Variants in BEAN1 observed in about 807,000 individuals in gnomAD.
BEAN1 encodes the protein brain expressed associated with NEDD4 1.
In BEAN1, 17 loss-of-function variants were observed where a neutral mutation model predicts 17.7. The ratio of observed to expected loss-of-function variants is 0.96; its 90% CI spans 0.66 to 1.44. BEAN1 has a LOEUF of 1.44. Ranked by LOEUF, BEAN1 falls within the 40% of genes most tolerant of loss-of-function variation. The pLI is 0.00. For synonymous variants in BEAN1, 142 were observed against 151.8 expected (o/e 0.94, Z 0.47); for missense variants, 359 against 374.1 (o/e 0.96, Z 0.33).
intron 4 of BEAN1, 77 bp downstream of exon 4, chr16:66,477,787 A>G: frequency 1.4e-6 from 2 of 1,382,806 alleles, no homozygotes; most frequent in Non-Finnish European, 1.9e-6. Flanking sequence ...CCATCATGGG[A>G]AAGAGTGGCA....
At chr16:66,442,009 G>C (rs1169800032) in intron 2 of BEAN1, among the ~76,000 whole-genome samples, 1 of 152,220 alleles carries the variant, frequency 6.6e-6, no homozygotes, top group African/African-American at 2.4e-5. Context: ...GACCAAGGCA[G>C]AGGAAGGAGG....
intron 4 of BEAN1, among the ~76,000 whole-genome samples, chr16:66,490,454 T>TAAAATAAAATAAAATAA (rs772932259): frequency 6.2e-4 from 28 of 45,124 alleles, no homozygotes; most frequent in Admixed American, 1.2e-3. Context: ...TAAAATAAAA[T>TAAAATAAAATAAAATAA]AATAAAATAA....
intron 2 of BEAN1, among the ~76,000 whole-genome samples, chr16:66,448,053 C>T (rs1329718110): frequency 6.6e-6 from 1 of 152,214 alleles, no homozygotes; most frequent in Non-Finnish European, 1.5e-5. Flanking sequence ...CCTGTCCCCA[C>T]CTGCCACTTA....
At chr16:66,483,697 G>A (rs1964044123), downstream of BEAN1, 1 of 152,160 alleles carries the variant, frequency 6.6e-6, no homozygotes, top group African/African-American at 2.4e-5. Context: ...CCTTGAAAGT[G>A]GGGTGCAATC....
At chr16:66,429,449 G>A (rs1004840712) in intron 1 of BEAN1, among the ~76,000 whole-genome samples, 23 of 152,270 alleles carry the variant, frequency 1.5e-4, no homozygotes, top group Admixed American at 2.0e-4. Flanking sequence ...GATCCTGGAG[G>A]TGGCAAGGAG....
intron 4 of BEAN1, among the ~76,000 whole-genome samples, chr16:66,489,954 G>A (rs1194735226): frequency 5.3e-5 from 8 of 152,016 alleles, no homozygotes; most frequent in Admixed American, 3.3e-4. Context: ...TGGGAGCAGG[G>A]AGCAGAGATC....
At chr16:66,459,988 G>A (rs1339878442) in intron 2 of BEAN1, among the ~76,000 whole-genome samples, 1 of 152,210 alleles carries the variant, frequency 6.6e-6, no homozygotes, top group Non-Finnish European at 1.5e-5. Context: ...ACTGGGAGCA[G>A]CTCCCCTGGG....
intron 4 of BEAN1, among the ~76,000 whole-genome samples, chr16:66,489,870 G>A (rs1217439450): frequency 1.3e-5 from 2 of 152,058 alleles, no homozygotes; most frequent in Non-Finnish European, 2.9e-5. Flanking sequence ...CAACTGGGAT[G>A]CAGTTTCTCA....
Position 66,427,790 on chromosome 16 carries a change from C to A in BEAN1, c.-83+359C>A, listed in dbSNP as rs1336029822. On this transcript the variant is annotated intron_variant, in intron 1 of 4. Coordinates refer to ENST00000536005, the MANE Select transcript of BEAN1 (RefSeq NM_001178020.3). This position sits in a 1 kb window ranked among gnomAD's most constrained non-coding sequence, Gnocchi z 4.7. ...GCATTTGGGGAACCCAAGACAGCCT[C>A]CCCAGCAGCTTGCCCTCGGTTTCGG... is the stretch of plus-strand genomic sequence containing the variant. The A allele has an allele frequency of 6.6e-6, 1 of 152,160 alleles. No individual in the cohort carries two copies. The highest frequency in any genetic ancestry group is 1.5e-5 in the Non-Finnish European group (1 of 68,054). The allele number at this position is 152,160 out of a possible 1,614,324, so 9.4% of individuals were successfully genotyped here. A position where few individuals can be genotyped will look rare whatever the true frequency, so the allele number is the denominator to read the frequency against.
intron 1 of BEAN1, among the ~76,000 whole-genome samples, 192 bp from the exon 2 acceptor site, chr16:66,437,403 C>T (rs1333650898): frequency 6.6e-6 from 1 of 152,054 alleles, no homozygotes; most frequent in Non-Finnish European, 1.5e-5. Context: ...ACTTGCCCTA[C>T]CCCTGTGTCC....
Position 66,429,366 on chromosome 16 carries a change from C to T in BEAN1, c.-83+1935C>T, listed in dbSNP as rs546619016. 9.9e-5 allele frequency among the ~76,000 whole-genome samples: 15 copies of T among 152,284 alleles called. 1 individual carries two copies. The South Asian group carries it at 2.5e-3, about 25-fold the overall frequency. ...GGTGTCCCCAGGAAGGGATTTGCTC[C>T]AGTCTGTGTGGCTGGGACCTTAGAC... is the stretch of plus-strand genomic sequence containing the variant. On this transcript the variant is annotated intron_variant, in intron 1 of 4. Coordinates refer to ENST00000536005, the MANE Select transcript of BEAN1 (RefSeq NM_001178020.3).
intron 2 of BEAN1, 143 bp downstream of exon 2, chr16:66,437,844 G>A (rs1276934915): frequency 8.9e-6 from 10 of 1,119,102 alleles, no homozygotes; most frequent in Non-Finnish European, 1.3e-5. Flanking sequence ...GCTGGGTGGG[G>A]AGAGGGCAAC....
chr16:66,483,028 T>C, downstream of BEAN1: 1 of 387,692 alleles, frequency 2.6e-6, no homozygotes, highest in South Asian at 1.9e-5. Flanking sequence ...AGCTAATTTT[T>C]GATTTTGAAT....
intron 4 of BEAN1, 22 bp downstream of exon 4, chr16:66,477,732 G>T: frequency 6.6e-7 from 1 of 1,523,176 alleles, no homozygotes; most frequent in Non-Finnish European, 8.8e-7. Flanking sequence ...TCATGGGGAA[G>T]GGGGCATCAG....
intron 3 of BEAN1, among the ~76,000 whole-genome samples, chr16:66,476,598 T>C (rs754397913): frequency 1.3e-5 from 2 of 152,208 alleles, no homozygotes; most frequent in Non-Finnish European, 2.9e-5. Flanking sequence ...TCCAGGACGA[T>C]ACATGTCAGA....
In BEAN1 at chr16:66,482,779, G is replaced by C. The variant is rs1464898310; in HGVS notation, c.*1854G>C. The C allele has an allele frequency of 2.3e-6, 1 of 437,484 alleles. No homozygotes were observed. The highest frequency in any genetic ancestry group is 2.1e-5 in the African/African-American group (1 of 48,766). The allele number at this position is 437,484 out of a possible 1,614,324, so 27.1% of individuals were successfully genotyped here. A position where few individuals can be genotyped will look rare whatever the true frequency, so the allele number is the denominator to read the frequency against. On this transcript the variant is annotated 3_prime_UTR_variant, in exon 5 of 5. Transcript: ENST00000536005. Reference sequence around the variant, plus strand: ...GAATAAGCAACAATGTATCTTTTCTGTGTTCAAAATAAATACATAATATCA... The same window carrying C: ...GAATAAGCAACAATGTATCTTTTCTCTGTTCAAAATAAATACATAATATCA...
intron 2 of BEAN1, among the ~76,000 whole-genome samples, chr16:66,466,042 G>A (rs1413716109): frequency 1.3e-5 from 2 of 152,176 alleles, no homozygotes; most frequent in Admixed American, 6.5e-5. Flanking sequence ...TTGAACTCCT[G>A]GCCTCAAGTG....
At position 66,436,411 on chromosome 16, in the gene BEAN1, G is replaced by A. The variant is rs1338221451; in HGVS notation, c.-82-1184G>A. Among the ~76,000 whole-genome samples the A allele has an allele frequency of 4.0e-5, 6 of 150,592 alleles. No homozygotes were observed. In the East Asian group the frequency reaches 9.7e-4, roughly 24 times the overall value. ...GCCTCCTGAGTAGCTGGGACTACAG[G>A]CGCCTGCCACCATGCCCGGCTAATT... is the stretch of plus-strand genomic sequence containing the variant. On this transcript the variant is annotated intron_variant, in intron 1 of 4. Transcript: ENST00000536005.
rs2142473484 is a variant in BEAN1 at position 66,481,607 on chromosome 16, C to T, written c.*682C>T. 4.8e-6 allele frequency: 1 copy of T among 206,228 alleles called. No individual in the cohort carries two copies. Among genetic ancestry groups the T allele is most frequent in the South Asian group, 1.9e-4 (1 of 5,274 alleles). The allele number at this position is 206,228 out of a possible 1,614,324, so 12.8% of individuals were successfully genotyped here. A position where few individuals can be genotyped will look rare whatever the true frequency, so the allele number is the denominator to read the frequency against. On this transcript the variant is annotated 3_prime_UTR_variant, in exon 5 of 5. Coordinates refer to ENST00000536005, the MANE Select transcript of BEAN1 (RefSeq NM_001178020.3). This position sits in a 1 kb window ranked among gnomAD's most constrained non-coding sequence, Gnocchi z 4.1. ...GGCCCCCTCCCAACCCCAGTACCCT[C>T]AGTCCCTCAGTCAGGTGGTGCTAGT...
Sources: allele counts gnomAD v4.1 joint callset (sites outside exome capture counted in the v4.1 genomes callset), GRCh38; gene constraint gnomAD v4.1.1; non-coding constraint Gnocchi (gnomAD v3.1); transcripts MANE v1.5; gene names NCBI Gene and HGNC (gene_info 2026-07-23, HGNC 2026-07-21).